The following NFS1 variants were observed in gnomAD, a reference collection of about 807,000 sequenced individuals.
NFS1 encodes NFS1 cysteine desulfurase.
NFS1 carries 26 observed loss-of-function variants against 57.3 expected under a neutral mutation model. The ratio of observed to expected loss-of-function variants is 0.45; its 90% CI spans 0.33 to 0.63. The LOEUF is 0.63. Among genes scored for constraint, NFS1 ranks in the 20% least tolerant of loss-of-function variants. NFS1 has a pLI of 0.02. For synonymous variants in NFS1, 209 were observed against 216.3 expected, an observed-to-expected ratio of 0.97 and a Z score of 0.30; for missense variants, 505 against 605.8, an observed-to-expected ratio of 0.83 and a Z score of 1.75.
At position 35,672,082 on chromosome 20, in the gene NFS1, C is replaced by T. The variant is rs550769518; in HGVS notation, c.1310+673G>A. Among the ~76,000 whole-genome samples, 20 of 152,200 alleles carry T rather than the reference C, an allele frequency of 1.3e-4. 1 individual carries two copies. Among genetic ancestry groups the T allele is most frequent in the African/African-American group, 3.4e-4 (14 of 41,544 alleles). ...CACGCCATTCTCCTGCCTCACCTCC[C>T]GAGTAGCTGGGACTACAGGTGCCCG... On this transcript the variant is annotated intron_variant, in intron 12 of 12. Coordinates refer to ENST00000374092, the MANE Select transcript of NFS1 (RefSeq NM_021100.5).
intron 1 of NFS1, chr20:35,698,959 C>T: frequency 4.5e-6 from 6 of 1,319,646 alleles, no homozygotes; most frequent in Non-Finnish European, 5.8e-6. Context: ...CAGGAGCGGT[C>T]TGAAGGACGC....
intron 12 of NFS1, among the ~76,000 whole-genome samples, chr20:35,670,806 G>A (rs1010623334): frequency 1.3e-5 from 2 of 152,180 alleles, no homozygotes; most frequent in African/African-American, 4.8e-5. Flanking sequence ...GACAAAGGAA[G>A]GGTCCTGCAG....
rs1464157127 is a variant in NFS1, at chr20:35,699,129, C to CA, written c.97+62dup. Reference sequence around the variant, plus strand: ...GTGGACAGGAAGGCTCCGGAATATTCAGTTGCGTCGCCGCGCGGAGGGGAC... The same window carrying CA: ...GTGGACAGGAAGGCTCCGGAATATTCAAGTTGCGTCGCCGCGCGGAGGGGAC... On this transcript the variant is annotated intron_variant, in intron 1 of 12. Transcript: ENST00000374092. The surrounding 1 kb of genome is among the most constrained non-coding windows in gnomAD (Gnocchi z 4.4). The CA allele has an allele frequency of 7.3e-7, 1 of 1,363,374 alleles. No individual in the cohort carries two copies. The highest frequency in any genetic ancestry group is 9.4e-7 in the Non-Finnish European group (1 of 1,064,924). 84.5% of individuals were successfully genotyped at this position (1,363,374 alleles called of 1,614,324 possible). A position where few individuals can be genotyped will look rare whatever the true frequency, so the allele number is the denominator to read the frequency against.
intron 3 of NFS1, among the ~76,000 whole-genome samples, chr20:35,697,356 T>A (rs1014344398): frequency 3.9e-5 from 6 of 152,064 alleles, no homozygotes; most frequent in Admixed American, 6.5e-5. Flanking sequence ...ACTTCTTACT[T>A]ACAGATGTTG....
chr20:35,696,962 C>T (rs541280549), intron 3 of NFS1, among the ~76,000 whole-genome samples: 2 of 152,162 alleles, frequency 1.3e-5, no homozygotes, highest in South Asian at 2.1e-4. Context: ...CAAATTTACC[C>T]GGGTGTGGTG....
intron 4 of NFS1, among the ~76,000 whole-genome samples, chr20:35,691,519 T>A (rs1251122116): frequency 6.7e-6 from 1 of 149,968 alleles, no homozygotes; most frequent in Admixed American, 6.6e-5. Context: ...GGCAGGTGGA[T>A]CATCTAAGGT....
chr20:35,678,528 C>CAAAA (rs1169564584), intron 7 of NFS1, among the ~76,000 whole-genome samples: 18 of 56,916 alleles, frequency 3.2e-4, no homozygotes, highest in South Asian at 2.2e-3. Context: ...GACTTTGTCT[C>CAAAA]AAAAAAAAAA....
At position 35,699,327 on chromosome 20, in the gene NFS1, G is replaced by A; in HGVS notation, c.-39C>T. 1 of 1,399,214 alleles carries A rather than the reference G, an allele frequency of 7.1e-7. No homozygotes were observed. The highest frequency in any genetic ancestry group is 9.3e-7 in the Non-Finnish European group (1 of 1,080,974). The allele number at this position is 1,399,214 out of a possible 1,614,324, so 86.7% of individuals were successfully genotyped here. A position where few individuals can be genotyped will look rare whatever the true frequency, so the allele number is the denominator to read the frequency against. On this transcript the variant is annotated 5_prime_UTR_variant, in exon 1 of 13. Coordinates refer to ENST00000374092, the MANE Select transcript of NFS1 (RefSeq NM_021100.5). The surrounding 1 kb of genome is among the most constrained non-coding windows in gnomAD (Gnocchi z 4.4). ...GAGCCCACCTTCCGAAGCCGCTGCA[G>A]TCCTGGGCCCCAGGCTCCCGGAAGT...
chr20:35,695,332 G>T (rs1037596060), intron 4 of NFS1, among the ~76,000 whole-genome samples: 2 of 152,140 alleles, frequency 1.3e-5, no homozygotes, highest in African/African-American at 4.8e-5. Context: ...CAAGGTCAAA[G>T]AAACCAACAC....
At chr20:35,696,258 T>A in intron 4 of NFS1, 119 bp downstream of exon 4, 1 of 722,732 alleles carries the variant, frequency 1.4e-6, no homozygotes, top group Non-Finnish European at 2.5e-6. Context: ...GCAAGCCTTC[T>A]CTTCACAATG....
At chr20:35,676,889 A>G (rs1444115014) in intron 7 of NFS1, among the ~76,000 whole-genome samples, 1 of 151,116 alleles carries the variant, frequency 6.6e-6, no homozygotes, top group Non-Finnish European at 1.5e-5. Flanking sequence ...TTTTTGAGAC[A>G]AGAGTCTTGC....
chr20:35,683,469 G>C (rs563801990), intron 5 of NFS1, among the ~76,000 whole-genome samples: 13 of 150,826 alleles, frequency 8.6e-5, no homozygotes, highest in Admixed American at 4.0e-4. Flanking sequence ...GCAACAGAGT[G>C]AGACTCCGTC....
chr20:35,675,754 G>GT (rs368002576), intron 7 of NFS1: 11 of 153,740 alleles, frequency 7.2e-5, no homozygotes, highest in African/African-American at 2.2e-4. Flanking sequence ...GCAGGCACAT[G>GT]TAATCCCAGC....
At chr20:35,673,893 T>A (rs946578562) in intron 10 of NFS1, 1 of 509,470 alleles carries the variant, frequency 2.0e-6, no homozygotes. Context: ...CCATGGTGGA[T>A]GACTTCCTTA....
intron 4 of NFS1, among the ~76,000 whole-genome samples, chr20:35,691,539 G>C (rs1295839691): frequency 6.6e-6 from 1 of 151,166 alleles, no homozygotes; most frequent in Non-Finnish European, 1.5e-5. Flanking sequence ...TCAGGAGTTT[G>C]AGACCAGCCT....
At chr20:35,681,836 T>A in intron 6 of NFS1, 52 bp downstream of exon 6, 1 of 1,011,220 alleles carries the variant, frequency 9.9e-7, no homozygotes, top group Non-Finnish European at 1.6e-6. Context: ...GTATACTACC[T>A]CATACAGAGC....
chr20:35,685,679 T>C (rs1201092726), intron 5 of NFS1, among the ~76,000 whole-genome samples: 3 of 148,460 alleles, frequency 2.0e-5, no homozygotes, highest in Non-Finnish European at 4.5e-5. Context: ...ACCAACATGG[T>C]GAAACCCCAT....
rs1464412372 is a variant in NFS1 at position 35,674,360 on chromosome 20, A to G, written c.1126T>C (p.Ser376Pro). ...TGCCGTCCAGCTCACCTCCCTGAGG[A>G]TAAGGCAACGTCCTTCAGTGCCATC... is the stretch of plus-strand genomic sequence containing the variant. ...LLMALKDVAL[S>P]SGSACTSASL... Residue 376 changes from serine to proline, a missense_variant, in exon 10 of 13, where the codon TCC becomes CCC. Ser to Pro is a moderately conservative substitution (Grantham distance 74). Transcript: ENST00000374092. 1.9e-6 allele frequency: 3 copies of G among 1,613,870 alleles called. No individual in the cohort carries two copies. Among genetic ancestry groups the G allele is most frequent in the Non-Finnish European group, 1.7e-6 (2 of 1,179,986 alleles).
intron 7 of NFS1, among the ~76,000 whole-genome samples, chr20:35,676,873 C>G (rs6060549): frequency 0.067 from 10,093 of 150,666 alleles, 413 homozygotes; most frequent in South Asian, 0.18. Flanking sequence ...CTTTTTTTTC[C>G]CTTTTTTTTT....
Sources: allele counts gnomAD v4.1 joint callset (sites outside exome capture counted in the v4.1 genomes callset), GRCh38; gene constraint gnomAD v4.1.1; non-coding constraint Gnocchi (gnomAD v3.1); transcripts MANE v1.5; gene names NCBI Gene and HGNC (gene_info 2026-07-23, HGNC 2026-07-21).